Variants in SEMA5B observed in about 807,000 individuals in gnomAD.
SEMA5B encodes the protein semaphorin-5B.
In SEMA5B, 66 loss-of-function variants were observed where a neutral mutation model predicts 135.0. The ratio of observed to expected loss-of-function variants is 0.49; its 90% confidence interval spans 0.40 to 0.60. The LOEUF is 0.60. SEMA5B is among the 20% of genes least tolerant of loss of function. The pLI is 0.00. For synonymous variants in SEMA5B, 690 were observed against 639.5 expected, an observed-to-expected ratio of 1.08 and a Z score of -1.19; for missense variants, 1,501 against 1,566.3, an observed-to-expected ratio of 0.96 and a Z score of 0.70.
At chr3:122,971,250 T>G (rs567591260) in intron 1 of SEMA5B, among the ~76,000 whole-genome samples, 2 of 152,356 alleles carry the variant, frequency 1.3e-5, no homozygotes, top group South Asian at 4.1e-4. Context: ...TCTGTTTTGC[T>G]CAGTGCTATA....
At chr3:123,008,144 A>G (rs1017071607) in intron 1 of SEMA5B, among the ~76,000 whole-genome samples, 1 of 152,252 alleles carries the variant, frequency 6.6e-6, no homozygotes, top group Non-Finnish European at 1.5e-5. Context: ...CAGGACAATA[A>G]CACCATAACT....
In SEMA5B at chr3:122,943,434, A is replaced by G; in HGVS notation, c.428+2T>C. On this transcript the variant is annotated splice_donor_variant, in intron 4 of 22. Transcript: ENST00000357599. LOFTEE classifies it high-confidence loss of function. ...CACCCCGACCCTTCTGCCCCTTGTT[A>G]CCTGGCTCCCACGATGAGCTGGTTC... The G allele has an allele frequency of 1.9e-6, 3 of 1,595,212 alleles. No homozygotes were observed. Among genetic ancestry groups the G allele is most frequent in the Non-Finnish European group, 2.6e-6 (3 of 1,170,428 alleles).
intron 1 of SEMA5B, among the ~76,000 whole-genome samples, chr3:123,001,784 T>G (rs1192655581): frequency 1.3e-5 from 2 of 152,036 alleles, no homozygotes; most frequent in East Asian, 3.8e-4. Context: ...GGAATCCATA[T>G]AGCAAAAAGA....
chr3:122,957,606 C>A (rs1264447051), intron 2 of SEMA5B, among the ~76,000 whole-genome samples: 3 of 152,188 alleles, frequency 2.0e-5, no homozygotes, highest in Non-Finnish European at 2.9e-5. Context: ...AGTACAAATG[C>A]CTGGAGCATA....
intron 1 of SEMA5B, among the ~76,000 whole-genome samples, chr3:123,021,412 A>G (rs1942671169): frequency 6.6e-6 from 1 of 152,234 alleles, no homozygotes; most frequent in Admixed American, 6.5e-5. Flanking sequence ...TGAAATGATA[A>G]GATCTGCCCC....
At position 123,027,737 on chromosome 3, in the gene SEMA5B, G is replaced by A. The variant is rs150103020; in HGVS notation, c.-312C>T. The A allele has an allele frequency of 1.3e-5, 2 of 152,140 alleles. No individual in the cohort carries two copies. The highest frequency in any genetic ancestry group is 4.8e-5 in the African/African-American group (2 of 41,440). 9.4% of individuals were successfully genotyped at this position (152,140 alleles called of 1,614,324 possible). On this transcript the variant is annotated 5_prime_UTR_variant, in exon 1 of 23. Coordinates refer to ENST00000357599, the MANE Select transcript of SEMA5B (RefSeq NM_001031702.4). ...AACCCCCGCGCTCCAACTAGCTCCC[G>A]ACCCGGCGCTCGGAGAGAGCAGGGA... is the stretch of plus-strand genomic sequence containing the variant.
intron 1 of SEMA5B, among the ~76,000 whole-genome samples, chr3:122,981,231 A>G (rs1941512089): frequency 6.6e-6 from 1 of 152,248 alleles, no homozygotes; most frequent in Non-Finnish European, 1.5e-5. Flanking sequence ...TGCATAACAT[A>G]AGAGACACCT....
intron 2 of SEMA5B, among the ~76,000 whole-genome samples, chr3:122,953,573 G>A (rs187852844): frequency 5.5e-4 from 83 of 152,234 alleles, no homozygotes; most frequent in African/African-American, 1.9e-3. Flanking sequence ...GGACATGACG[G>A]GTGGGGAAAG....
chr3:122,920,305 A>T (rs1190149055), intron 12 of SEMA5B, among the ~76,000 whole-genome samples: 1 of 152,206 alleles, frequency 6.6e-6, no homozygotes, highest in African/African-American at 2.4e-5. Flanking sequence ...TCATGTGTGG[A>T]AGGCCACTTG....
chr3:122,935,991 C>T (rs998785900), intron 5 of SEMA5B, among the ~76,000 whole-genome samples: 1 of 152,174 alleles, frequency 6.6e-6, no homozygotes, highest in African/African-American at 2.4e-5. Flanking sequence ...CTGTGCCCAG[C>T]CTCTATCCGC....
intron 7 of SEMA5B, 68 bp downstream of exon 7, chr3:122,928,449 T>C: frequency 3.1e-6 from 4 of 1,284,060 alleles, no homozygotes; most frequent in Non-Finnish European, 3.2e-6. Flanking sequence ...CCTTCAAGGC[T>C]GTGTGCCTAG....
At chr3:123,023,544 AG>A (rs1293827283) in intron 1 of SEMA5B, among the ~76,000 whole-genome samples, 7 of 152,184 alleles carry the variant, frequency 4.6e-5, no homozygotes, top group African/African-American at 1.7e-4. Context: ...GGTACAAAGT[AG>A]GTGTTTAGCT....
chr3:122,979,409 T>C (rs1368397977), intron 1 of SEMA5B, among the ~76,000 whole-genome samples: 1 of 152,204 alleles, frequency 6.6e-6, no homozygotes, highest in African/African-American at 2.4e-5. Flanking sequence ...CTTCCCGGAT[T>C]TAGCTTGTGC....
In SEMA5B at chr3:122,926,659, G is replaced by C; in HGVS notation, c.869C>G (p.Ala290Gly). The change falls in exon 9 of 23, where the codon GCC becomes GGC. Residue 290 changes from alanine (A) to glycine (G), a missense_variant. Coordinates refer to ENST00000357599, the MANE Select transcript of SEMA5B (RefSeq NM_001031702.4). ...GTATGCAAACAGCCCAATATCATAGGCTGCCACGAAGTTTGGCTCTGGGTG... is the reference window on the plus strand; with the variant it reads ...GTATGCAAACAGCCCAATATCATAGCCTGCCACGAAGTTTGGCTCTGGGTG... ...KWLNEPNFVA[A>G]YDIGLFAYFF... is the part of the protein sequence containing the mutation. 1 of 1,611,668 alleles carries C rather than the reference G, an allele frequency of 6.2e-7. No individual in the cohort carries two copies. Among genetic ancestry groups the C allele is most frequent in the Non-Finnish European group, 8.5e-7 (1 of 1,177,844 alleles).
chr3:123,028,510 A>T (rs1942861410), upstream of SEMA5B: 3 of 152,268 alleles, frequency 2.0e-5, no homozygotes, highest in South Asian at 2.1e-4. Flanking sequence ...GAACAGTGGG[A>T]GGGCAGCCAA....
At chr3:122,993,677 G>C (rs955484433) in intron 1 of SEMA5B, among the ~76,000 whole-genome samples, 1 of 152,012 alleles carries the variant, frequency 6.6e-6, no homozygotes, top group South Asian at 2.1e-4. Context: ...GAGACAGGGG[G>C]ATGGGCGGTG....
At chr3:123,015,976 C>A (rs1942545454) in intron 1 of SEMA5B, among the ~76,000 whole-genome samples, 1 of 152,210 alleles carries the variant, frequency 6.6e-6, no homozygotes. Flanking sequence ...TGTGCTGACA[C>A]AGGGACTCAT....
intron 22 of SEMA5B, 83 bp from the exon 23 acceptor site, chr3:122,910,384 C>G (rs565337913): frequency 1.4e-6 from 2 of 1,445,204 alleles, no homozygotes; most frequent in African/African-American, 2.8e-5. Flanking sequence ...AGTCCAGAAG[C>G]CAGCCGTGCA....
chr3:122,987,892 G>A (rs961306425), intron 1 of SEMA5B, among the ~76,000 whole-genome samples: 2 of 151,832 alleles, frequency 1.3e-5, no homozygotes, highest in Non-Finnish European at 2.9e-5. Context: ...CTGCAAAATA[G>A]CTGGCAGTGC....
Sources: gnomAD v4.1 joint callset for allele counts (sites outside exome capture counted in the v4.1 genomes callset) on GRCh38, gnomAD v4.1.1 for gene constraint, MANE v1.5 for transcripts, NCBI Gene and HGNC (gene_info 2026-07-23, HGNC 2026-07-21) for gene names.